PRKN: variants seen among roughly 807,000 people sequenced by gnomAD.
PRKN encodes the protein parkin RBR E3 ubiquitin protein ligase.
A neutral mutation model predicts 59.5 loss-of-function variants in PRKN; 56 were observed. The observed-to-expected ratio is 0.94, with a 90% CI of 0.76 to 1.18. The LOEUF (loss-of-function observed/expected upper bound fraction) is 1.18. PRKN is among the 50% of genes most tolerant of loss of function. The probability of loss-of-function intolerance (pLI) is 0.00; values close to 1 mark genes in which losing one functional copy is unlikely to be tolerated. For missense variants in PRKN, 657 were observed against 596.4 expected, an observed-to-expected ratio of 1.10 and a Z score of -1.06; for synonymous variants, 250 against 222.1, an observed-to-expected ratio of 1.13 and a Z score of -1.12.
chr6:161,360,024 G>C lies in PRKN; in HGVS notation c.1285+64C>G. The C allele has an allele frequency of 8.3e-7, 1 of 1,206,666 alleles. No individual in the cohort carries two copies. The highest frequency in any genetic ancestry group is 1.5e-5 in the African/African-American group (1 of 67,320). The allele number at this position is 1,206,666 out of a possible 1,614,324, so 74.7% of individuals were successfully genotyped here. On this transcript the variant is annotated intron_variant, in intron 11 of 11. Coordinates refer to ENST00000366898, the MANE Select transcript of PRKN (RefSeq NM_004562.3). This position sits in a 1 kb window ranked among gnomAD's most constrained non-coding sequence, Gnocchi z 5.1. ...CATCTCCTTTAATCCTGGAATCCCT[G>C]ATGGGTATGATTCTCCCCCAAAGAG...
At chr6:162,727,582 G>T in intron 1 of PRKN, 80 bp downstream of exon 1, 2 of 1,447,722 alleles carry the variant, frequency 1.4e-6, no homozygotes, top group African/African-American at 1.4e-5. Context: ...CGGGGGTCCT[G>T]GTCGGCCGAG....
Position 161,967,066 on chromosome 6 carries a change from G to A in PRKN, c.734+6236C>T, listed in dbSNP as rs1374253527. Among the ~76,000 whole-genome samples, 4 of 152,246 alleles carry A rather than the reference G, an allele frequency of 2.6e-5. 1 individual carries two copies. The Middle Eastern group carries it at 0.01, about 388-fold the overall frequency. ...AGGCTGGTCTCGAACTCCTGACCTC[G>A]TGATCTGCCCACCTCAGCCTCCCAA... is the stretch of plus-strand genomic sequence containing the variant. On this transcript the variant is annotated intron_variant, in intron 6 of 11. Transcript: ENST00000366898.
At chr6:162,138,832 C>T (rs912748121) in intron 4 of PRKN, among the ~76,000 whole-genome samples, 1 of 151,830 alleles carries the variant, frequency 6.6e-6, no homozygotes, top group African/African-American at 2.4e-5. Context: ...GCAAGAGAAC[C>T]CATTCATAAC....
intron 5 of PRKN, among the ~76,000 whole-genome samples, chr6:161,992,566 G>T (rs2128259000): frequency 6.6e-6 from 1 of 152,256 alleles, no homozygotes; most frequent in African/African-American, 2.4e-5. Flanking sequence ...AGAAAATAAA[G>T]AAACACTGGA....
intron 7 of PRKN, among the ~76,000 whole-genome samples, chr6:161,763,597 C>T (rs571545074): frequency 4.6e-5 from 7 of 152,114 alleles, no homozygotes; most frequent in African/African-American, 7.2e-5. Flanking sequence ...TTGCACTGCC[C>T]GTTGCTGTGA....
rs961239925 is a variant in PRKN, at chr6:161,350,163, C to T, written c.1334G>A (p.Trp445Ter). The stretch of plus-strand genomic sequence containing the variant: ...CCACTCGCAGCCACAGTTCCAGCAC[C>T]ACTCGAGCCTGCACTGGGGCTGCGG... ...KCPQPQCRLE[W>*]CWNCGCEWNR... Residue 445 changes from tryptophan to a stop codon, truncating the protein, a stop_gained, in exon 12 of 12, where the codon TGG becomes TAG. Transcript: ENST00000366898. LOFTEE classifies it high-confidence loss of function. 4 of 1,613,678 alleles carry T rather than the reference C, an allele frequency of 2.5e-6. No homozygotes were observed. Among genetic ancestry groups the T allele is most frequent in the Non-Finnish European group, 3.4e-6 (4 of 1,179,982 alleles).
At chr6:162,274,557 G>A (rs1240021691) in intron 2 of PRKN, among the ~76,000 whole-genome samples, 1 of 152,036 alleles carries the variant, frequency 6.6e-6, no homozygotes, top group Non-Finnish European at 1.5e-5. Flanking sequence ...TAATTCAGCA[G>A]TGTTTAGAAT....
At position 162,189,316 on chromosome 6, in the gene PRKN, G is replaced by A. The variant is rs182613748; in HGVS notation, c.534+11815C>T. On this transcript the variant is annotated intron_variant, in intron 4 of 11. Coordinates refer to ENST00000366898, the MANE Select transcript of PRKN (RefSeq NM_004562.3). Reference sequence around the variant, plus strand: ...ATTCCTATTCTAAGTATCTTATATCGGAGGGAATTGAGACTAGACAACTGC... The same window carrying A: ...ATTCCTATTCTAAGTATCTTATATCAGAGGGAATTGAGACTAGACAACTGC... 1.5e-4 allele frequency among the ~76,000 whole-genome samples: 23 copies of A among 151,338 alleles called. No homozygotes were observed. The East Asian group carries it at 2.2e-3, about 14-fold the overall frequency.
intron 1 of PRKN, among the ~76,000 whole-genome samples, chr6:162,664,631 T>G (rs1779025527): frequency 6.6e-6 from 1 of 152,210 alleles, no homozygotes; most frequent in African/African-American, 2.4e-5. Flanking sequence ...GATTTGCATT[T>G]CTCTGGTGAT....
At chr6:162,414,138 AT>A (rs1450203241) in intron 2 of PRKN, among the ~76,000 whole-genome samples, 2 of 151,952 alleles carry the variant, frequency 1.3e-5, no homozygotes, top group African/African-American at 4.8e-5. Flanking sequence ...AGCTGAAATC[AT>A]GCCACTGCAC....
chr6:161,503,494 A>T lies in PRKN; in HGVS notation c.1083+45360T>A, dbSNP rs1169555788. 6.6e-6 allele frequency among the ~76,000 whole-genome samples: 1 copy of T among 152,138 alleles called. No homozygotes were observed. The highest frequency in any genetic ancestry group is 6.6e-5 in the Admixed American group (1 of 15,264). Reference sequence around the variant, plus strand: ...GCCCCCACTGCACTAAGACTTTTACATGTTTTAACTCACTTAATGGCTGCA... The same window carrying T: ...GCCCCCACTGCACTAAGACTTTTACTTGTTTTAACTCACTTAATGGCTGCA... On this transcript the variant is annotated intron_variant, in intron 9 of 11. Transcript: ENST00000366898. This position sits in a 1 kb window ranked among gnomAD's most constrained non-coding sequence, Gnocchi z 5.1.
intron 3 of PRKN, among the ~76,000 whole-genome samples, chr6:162,256,463 C>A (rs950546513): frequency 3.3e-5 from 5 of 152,070 alleles, no homozygotes; most frequent in Non-Finnish European, 5.9e-5. Context: ...GAAATTTTTT[C>A]TTTATCTTCC....
intron 4 of PRKN, among the ~76,000 whole-genome samples, chr6:162,146,471 A>T (rs997581656): frequency 6.6e-5 from 10 of 150,894 alleles, no homozygotes; most frequent in African/African-American, 2.4e-4. Flanking sequence ...TACTAAACAT[A>T]TATATATACG....
intron 2 of PRKN, among the ~76,000 whole-genome samples, chr6:162,433,906 C>T (rs1016605210): frequency 1.3e-5 from 2 of 152,226 alleles, no homozygotes; most frequent in Middle Eastern, 3.4e-3. Context: ...AGTGGGTTCT[C>T]GCATTCCTCA....
intron 2 of PRKN, among the ~76,000 whole-genome samples, chr6:162,349,677 C>A (rs748330922): frequency 6.6e-6 from 1 of 152,206 alleles, no homozygotes; most frequent in East Asian, 1.9e-4. Flanking sequence ...TGATGCAAAA[C>A]GGGAAGAGAA....
chr6:161,631,397 A>T (rs1308854411), intron 7 of PRKN, among the ~76,000 whole-genome samples: 1 of 152,236 alleles, frequency 6.6e-6, no homozygotes, highest in East Asian at 1.9e-4. Flanking sequence ...GCTCAGTCAG[A>T]CTGGTAAGAG....
At chr6:162,357,406 T>C (rs1474203725) in intron 2 of PRKN, among the ~76,000 whole-genome samples, 5 of 152,168 alleles carry the variant, frequency 3.3e-5, no homozygotes, top group Admixed American at 3.3e-4. Context: ...CCATCATATG[T>C]CATTATGGAA....
chr6:161,396,689 G>A lies in PRKN; in HGVS notation c.1084-9812C>T, dbSNP rs1014087275. 3.3e-5 allele frequency among the ~76,000 whole-genome samples: 5 copies of A among 152,102 alleles called. No individual in the cohort carries two copies. Among genetic ancestry groups the A allele is most frequent in the South Asian group, 2.1e-4 (1 of 4,822 alleles). On this transcript the variant is annotated intron_variant, in intron 9 of 11. Coordinates refer to ENST00000366898, the MANE Select transcript of PRKN (RefSeq NM_004562.3). The surrounding 1 kb of genome is among the most constrained non-coding windows in gnomAD (Gnocchi z 5.4). The stretch of plus-strand genomic sequence containing the variant: ...GACTCTGTAGAAATGATTACGCTAC[G>A]CCAGTAAAAATGTGAAATCCAAGCC...
Position 162,262,208 on chromosome 6 carries a change from C to G in PRKN, c.412+317G>C, listed in dbSNP as rs77531763. Among the ~76,000 whole-genome samples the G allele has an allele frequency of 0.061, 9,336 of 152,222 alleles. 395 individuals carry two copies. Among genetic ancestry groups the G allele is most frequent in the Middle Eastern group, 0.14 (41 of 294 alleles). On this transcript the variant is annotated intron_variant, in intron 3 of 11. Coordinates refer to ENST00000366898, the MANE Select transcript of PRKN (RefSeq NM_004562.3). ...AAGGATGTCATTGCCATTGGCATAT[C>G]TGGCTTTAGAAACTACAAATGGCTC... is the stretch of plus-strand genomic sequence containing the variant.
Sources: gnomAD v4.1 joint callset for allele counts (sites outside exome capture counted in the v4.1 genomes callset) on GRCh38, gnomAD v4.1.1 for gene constraint, Gnocchi (gnomAD v3.1) non-coding constraint, MANE v1.5 for transcripts, NCBI Gene and HGNC (gene_info 2026-07-23, HGNC 2026-07-21) for gene names.